Variants in NCOR2 observed in about 807,000 individuals in gnomAD.
NCOR2 encodes CTG repeat protein 26.
NCOR2 carries 81 observed loss-of-function variants against 262.9 expected under a neutral mutation model. The ratio of observed to expected loss-of-function variants is 0.31; its 90% confidence interval spans 0.26 to 0.37. The LOEUF is 0.37. Among genes scored for constraint, NCOR2 ranks in the 10% least tolerant of loss-of-function variants. The pLI is 1.00. For synonymous variants in NCOR2, 1,659 were observed against 1,559.3 expected (o/e 1.06, Z -1.51); for missense variants, 3,385 against 3,621.4 (o/e 0.93, Z 1.68).
intron 1 of NCOR2, among the ~76,000 whole-genome samples, chr12:124,558,133 G>A (rs1030653766): frequency 3.3e-5 from 5 of 152,066 alleles, no homozygotes; most frequent in Admixed American, 6.5e-5. Context: ...AGCAGGTACC[G>A]CAGAGTTCAA....
chr12:124,546,665 G>C (rs901525017), intron 1 of NCOR2, among the ~76,000 whole-genome samples: 9 of 152,054 alleles, frequency 5.9e-5, no homozygotes, highest in Non-Finnish European at 1.0e-4. Flanking sequence ...CACCCACCTT[G>C]GCCTTTCAAA....
intron 13 of NCOR2, among the ~76,000 whole-genome samples, chr12:124,410,264 G>A (rs1161359755): frequency 4.7e-5 from 7 of 148,724 alleles, no homozygotes; most frequent in South Asian, 4.7e-4. Flanking sequence ...TGATGCGATC[G>A]CCCCTGCACT....
intron 27 of NCOR2, among the ~76,000 whole-genome samples, chr12:124,351,062 A>C (rs2037410198): frequency 1.3e-5 from 2 of 152,154 alleles, no homozygotes; most frequent in African/African-American, 2.4e-5. Flanking sequence ...AGGCACAGGG[A>C]GGCACAGTGA....
intron 21 of NCOR2, 126 bp downstream of exon 23, chr12:124,363,553 C>A: frequency 2.1e-6 from 2 of 972,060 alleles, no homozygotes; most frequent in South Asian, 7.9e-5. Flanking sequence ...GGGGATTTCT[C>A]CAGGAAACAG....
intron 22 of NCOR2, among the ~76,000 whole-genome samples, chr12:124,360,408 G>A (rs7978718): frequency 0.067 from 10,268 of 152,296 alleles, 505 homozygotes; most frequent in South Asian, 0.13. Context: ...CCACCTGTGC[G>A]GTTCAGGCAG....
rs188154393 is a variant in NCOR2 at position 124,333,165 on chromosome 12, C to T, written c.6720G>A (p.Pro2240=). The change falls in exon 42 of 47, where the codon CCG becomes CCA. Residue 2240 remains proline, a synonymous_variant. Coordinates refer to ENST00000405201, the Ensembl canonical transcript of NCOR2. ...TCTGTTCCCCATCCCGGTACAGCAG[C>T]GGGTACACAGCACTCCGGGAGTGCC... The T allele has an allele frequency of 7.7e-4, 1,248 of 1,612,120 alleles. 3 individuals are homozygous for T. The Middle Eastern group carries it at 0.016, about 20-fold the overall frequency.
chr12:124,339,198 A>C (rs1263970496), intron 37 of NCOR2, among the ~76,000 whole-genome samples: 1 of 136,374 alleles, frequency 7.3e-6, no homozygotes, highest in Non-Finnish European at 1.6e-5. Flanking sequence ...CCATCTACCT[A>C]CCTAACCCGA....
chr12:124,372,652 CG>C lies in NCOR2; in HGVS notation c.2219-43del, dbSNP rs756123048. The C allele has an allele frequency of 1.9e-6, 3 of 1,549,330 alleles. No homozygotes were observed. In the South Asian group the frequency reaches 3.4e-5, roughly 18 times the overall value. ...GGAAGAGGGGATGAGCAGGGTCTGG[CG>C]GGGCCTCCAGAAGAGATGCATGGCC... On this transcript the variant is annotated intron_variant, in intron 19 of 46. Transcript: ENST00000405201.
intron 1 of NCOR2, among the ~76,000 whole-genome samples, chr12:124,561,095 G>T (rs1422297321): frequency 6.6e-6 from 1 of 152,214 alleles, no homozygotes; most frequent in East Asian, 1.9e-4. Flanking sequence ...GTCCGGCTGG[G>T]TCAGCCCCCA....
exon 45 of NCOR2, chr12:124,327,437 T>C (rs771185864): frequency 1.2e-6 from 2 of 1,611,846 alleles, no homozygotes; most frequent in Non-Finnish European, 1.7e-6. Context: ...GGTCACTCCG[T>C]CCGTCAGCAG....
exon 20 of NCOR2, chr12:124,372,107 T>A (rs1296264221): frequency 6.2e-7 from 1 of 1,602,886 alleles, no homozygotes; most frequent in Non-Finnish European, 8.5e-7. Flanking sequence ...GCGCCCGAGC[T>A]CTTGGCTGTG....
chr12:124,525,876 CAG>C (rs972185377), intron 1 of NCOR2, among the ~76,000 whole-genome samples: 1 of 152,210 alleles, frequency 6.6e-6, no homozygotes, highest in African/African-American at 2.4e-5. Context: ...AACTAGAAAA[CAG>C]GGCTGATCAT....
intron 5 of NCOR2, among the ~76,000 whole-genome samples, chr12:124,465,747 T>A (rs1377250362): frequency 6.6e-6 from 1 of 152,188 alleles, no homozygotes; most frequent in Non-Finnish European, 1.5e-5. Context: ...TACCTGCCCT[T>A]CCAGGACTGA....
At chr12:124,354,625 G>C (rs1179224198) in intron 25 of NCOR2, 43 bp from the exon 28 acceptor site, 1 of 1,466,906 alleles carries the variant, frequency 6.8e-7, no homozygotes, top group South Asian at 1.4e-5. Flanking sequence ...TGCCGGAGCA[G>C]GGTCCCGGGA....
At chr12:124,506,177 C>T (rs1250985607) in intron 1 of NCOR2, among the ~76,000 whole-genome samples, 1 of 152,212 alleles carries the variant, frequency 6.6e-6, no homozygotes, top group East Asian at 1.9e-4. Flanking sequence ...CAGTTCCATT[C>T]ACCAAACACA....
intron 2 of NCOR2, among the ~76,000 whole-genome samples, chr12:124,485,757 C>A (rs567793210): frequency 1.3e-4 from 20 of 152,230 alleles, no homozygotes; most frequent in Non-Finnish European, 2.5e-4. Context: ...AACAAGAGCC[C>A]ATCCCTCAAC....
chr12:124,522,829 G>A (rs1013791834), intron 1 of NCOR2, among the ~76,000 whole-genome samples: 4 of 152,212 alleles, frequency 2.6e-5, no homozygotes, highest in South Asian at 2.1e-4. Context: ...CCCTATAGCC[G>A]ACAGAGCTGG....
At position 124,334,341 on chromosome 12, in the gene NCOR2, G is replaced by A. The variant is rs528975559; in HGVS notation, c.6605+83C>T. ...CCAGGCGGGCCTCATATGCAGCTGA[G>A]CTCAGACCCAGCTCTGAGGCAGGCA... On this transcript the variant is annotated intron_variant, in intron 41 of 46. Transcript: ENST00000405201. 8.0e-5 allele frequency: 85 copies of A among 1,066,346 alleles called. 2 individuals carry two copies. The South Asian group carries it at 1.2e-3, about 16-fold the overall frequency. The allele number at this position is 1,066,346 out of a possible 1,614,324, so 66.1% of individuals were successfully genotyped here.
intron 1 of NCOR2, among the ~76,000 whole-genome samples, chr12:124,516,551 C>T (rs1291619866): frequency 6.6e-6 from 1 of 152,198 alleles, no homozygotes; most frequent in Non-Finnish European, 1.5e-5. Context: ...GTTACAATTA[C>T]GGAGGCCCAC....
Sources: allele counts gnomAD v4.1 joint callset (sites outside exome capture counted in the v4.1 genomes callset), GRCh38; gene constraint gnomAD v4.1.1; transcripts MANE v1.5; gene names NCBI Gene and HGNC (gene_info 2026-07-23, HGNC 2026-07-21).